Variants in ARHGAP26 observed in about 807,000 individuals in gnomAD.
ARHGAP26 encodes rho GTPase-activating protein 26.
Under a neutral mutation model 104.8 loss-of-function variants are expected in ARHGAP26, and 38 were observed. The observed-to-expected ratio is 0.36, with a 90% CI of 0.28 to 0.48. The LOEUF is 0.48. Ranked by LOEUF, ARHGAP26 falls within the 20% of genes least tolerant of loss-of-function variation. ARHGAP26 has a pLI of 0.99. For synonymous variants in ARHGAP26, 341 were observed against 340.0 expected (o/e 1.00, Z -0.03); for missense variants, 704 against 947.9 (o/e 0.74, Z 3.38).
At chr5:142,780,145 T>C (rs1369261726) in intron 1 of ARHGAP26, among the ~76,000 whole-genome samples, 12 of 151,436 alleles carry the variant, frequency 7.9e-5, no homozygotes, top group African/African-American at 2.7e-4. Flanking sequence ...CCTTTGCTTT[T>C]AATATATTAG....
At chr5:143,064,634 A>C (rs1031487687) in intron 17 of ARHGAP26, among the ~76,000 whole-genome samples, 4 of 152,196 alleles carry the variant, frequency 2.6e-5, no homozygotes, top group African/African-American at 9.7e-5. Flanking sequence ...CATATTTTAA[A>C]GCAAACAGAC....
rs545961700 is a variant in ARHGAP26 at position 142,971,368 on chromosome 5, G to A, written c.1107+39243G>A. Among the ~76,000 whole-genome samples, 4 of 152,282 alleles carry A rather than the reference G, an allele frequency of 2.6e-5. No homozygotes were observed. In the South Asian group the frequency reaches 8.3e-4, roughly 32 times the overall value. On this transcript the variant is annotated intron_variant, in intron 11 of 22. Coordinates refer to ENST00000645722, the MANE Select transcript of ARHGAP26 (RefSeq NM_001135608.3). ...AGCATCTATATCTTGGAAGGTTCCA[G>A]GTGCCTAGAACTTGACAGTAGCCAT...
At chr5:142,775,119 A>G (rs1021736910) in intron 1 of ARHGAP26, among the ~76,000 whole-genome samples, 6 of 152,040 alleles carry the variant, frequency 3.9e-5, no homozygotes, top group Admixed American at 2.0e-4. Context: ...GTTAGATTAT[A>G]TAGTAATGTA....
chr5:142,831,465 G>A (rs550622158), intron 1 of ARHGAP26, among the ~76,000 whole-genome samples: 3 of 152,086 alleles, frequency 2.0e-5, no homozygotes, highest in South Asian at 2.1e-4. Flanking sequence ...TCTGATTTAC[G>A]TCTGTGGATG....
At chr5:143,105,332 C>T (rs1322509538) in intron 17 of ARHGAP26, among the ~76,000 whole-genome samples, 3 of 151,546 alleles carry the variant, frequency 2.0e-5, no homozygotes, top group Non-Finnish European at 4.4e-5. Context: ...GCCAAGATTG[C>T]GCCATTGCAC....
At chr5:143,147,637 T>G (rs1044971344) in intron 20 of ARHGAP26, 9 of 428,164 alleles carry the variant, frequency 2.1e-5, no homozygotes, top group African/African-American at 2.0e-5. Flanking sequence ...ATGGCTTTGG[T>G]GATAGCTATT....
chr5:142,982,832 A>G (rs1774141127), intron 11 of ARHGAP26, among the ~76,000 whole-genome samples: 1 of 152,134 alleles, frequency 6.6e-6, no homozygotes, highest in African/African-American at 2.4e-5. Flanking sequence ...AGGCCCTGGG[A>G]TCTTCAGTCC....
At chr5:142,847,181 A>G (rs9686719) in intron 1 of ARHGAP26, among the ~76,000 whole-genome samples, 5,391 of 152,282 alleles carry the variant, frequency 0.035, 325 homozygotes, top group African/African-American at 0.12. Context: ...AAATGAAACA[A>G]TGTTTGTAAA....
At chr5:142,829,216 T>C (rs972740383) in intron 1 of ARHGAP26, among the ~76,000 whole-genome samples, 5 of 152,198 alleles carry the variant, frequency 3.3e-5, no homozygotes, top group African/African-American at 1.2e-4. Flanking sequence ...CATCATATTC[T>C]CTGTGCAGGA....
At chr5:143,048,286 G>A (rs1784504364) in intron 14 of ARHGAP26, among the ~76,000 whole-genome samples, 1 of 151,414 alleles carries the variant, frequency 6.6e-6, no homozygotes, top group South Asian at 2.1e-4. Flanking sequence ...ATTGAGATGG[G>A]GTCTCACTCT....
At chr5:142,838,850 G>A (rs766697637) in intron 1 of ARHGAP26, among the ~76,000 whole-genome samples, 5 of 152,192 alleles carry the variant, frequency 3.3e-5, no homozygotes, top group African/African-American at 4.8e-5. Context: ...AAGTGACCAC[G>A]TCAAAGCTGT....
At chr5:142,996,599 G>T (rs2152770866) in intron 11 of ARHGAP26, among the ~76,000 whole-genome samples, 1 of 152,262 alleles carries the variant, frequency 6.6e-6, no homozygotes, top group African/African-American at 2.4e-5. Flanking sequence ...TAATTTAGTG[G>T]CTTGTTCACA....
chr5:142,934,022 T>C (rs1765085317), intron 11 of ARHGAP26, among the ~76,000 whole-genome samples: 1 of 152,204 alleles, frequency 6.6e-6, no homozygotes, highest in Non-Finnish European at 1.5e-5. Flanking sequence ...AGAACAATCC[T>C]GTATGGGATT....
rs200216351 is a variant in ARHGAP26, at chr5:143,163,461, GTTTT to G, written c.1988+16084_1988+16087del. Among the ~76,000 whole-genome samples the G allele has an allele frequency of 1.8e-3, 261 of 148,736 alleles. 5 individuals carry two copies. In the East Asian group the frequency reaches 0.044, roughly 25 times the overall value. ...TGTTTGTTTGTTTGTTTGTTTGTTT[GTTTT>G]TTTAAGATGGAGTCTTGCTCTGTTG... On this transcript the variant is annotated intron_variant, in intron 20 of 22. Transcript: ENST00000645722.
chr5:142,812,901 A>G (rs992270481), intron 1 of ARHGAP26, among the ~76,000 whole-genome samples: 147 of 151,142 alleles, frequency 9.7e-4, no homozygotes, highest in African/African-American at 3.3e-3. Context: ...GCTTGACTGC[A>G]TGTTAATTCT....
chr5:142,937,832 A>G (rs905432637), intron 11 of ARHGAP26, among the ~76,000 whole-genome samples: 1 of 152,190 alleles, frequency 6.6e-6, no homozygotes, highest in African/African-American at 2.4e-5. Flanking sequence ...TTGAAGTGAC[A>G]GTTTTAGAAA....
intron 1 of ARHGAP26, among the ~76,000 whole-genome samples, chr5:142,789,051 C>T (rs556590129): frequency 6.6e-5 from 10 of 152,280 alleles, no homozygotes; most frequent in South Asian, 2.1e-4. Context: ...AACCCTTTTG[C>T]GTGGAACTAT....
intron 11 of ARHGAP26, among the ~76,000 whole-genome samples, chr5:142,971,993 C>T (rs562206020): frequency 9.2e-5 from 14 of 152,162 alleles, no homozygotes; most frequent in African/African-American, 3.4e-4. Context: ...ACCAGCCTGG[C>T]CAACATGGTG....
At chr5:142,865,858 T>A (rs1026879740) in intron 1 of ARHGAP26, among the ~76,000 whole-genome samples, 1 of 152,218 alleles carries the variant, frequency 6.6e-6, no homozygotes, top group Non-Finnish European at 1.5e-5. Context: ...CTCCTGTCCA[T>A]CTAGTTAAAC....
Sources: gnomAD v4.1 joint callset for allele counts (sites outside exome capture counted in the v4.1 genomes callset) on GRCh38, gnomAD v4.1.1 for gene constraint, MANE v1.5 for transcripts, NCBI Gene and HGNC (gene_info 2026-07-23, HGNC 2026-07-21) for gene names.